The following SLC44A2 variants were observed in gnomAD, a reference collection of about 807,000 sequenced individuals.
SLC44A2 encodes solute carrier family 44 member 2 (CTL2 blood group), also known as choline transporter-like protein 2.
Under a neutral mutation model 90.8 loss-of-function variants are expected in SLC44A2, and 57 were observed. The ratio of observed to expected loss-of-function variants is 0.63; its 90% CI spans 0.51 to 0.78. SLC44A2 has a LOEUF of 0.78. SLC44A2 is among the 30% of genes least tolerant of loss of function. The pLI is 0.00. For missense variants in SLC44A2, 794 were observed against 919.7 expected, an observed-to-expected ratio of 0.86 and a Z score of 1.77; for synonymous variants, 355 against 360.7, an observed-to-expected ratio of 0.98 and a Z score of 0.18.
chr19:10,640,166 C>T (rs1322180073), intron 20 of SLC44A2, among the ~76,000 whole-genome samples: 1 of 150,424 alleles, frequency 6.6e-6, no homozygotes, highest in Non-Finnish European at 1.5e-5. Flanking sequence ...TCTCTGCTCA[C>T]CACAACCTCC....
At position 10,642,307 on chromosome 19, in the gene SLC44A2, G is replaced by A. The variant is rs531989075; in HGVS notation, c.1930-60G>A. 4.8e-4 allele frequency: 687 copies of A among 1,438,814 alleles called. 1 individual carries two copies. The highest frequency in any genetic ancestry group is 6.4e-4 in the Non-Finnish European group (657 of 1,021,212). 89.1% of individuals were successfully genotyped at this position (1,438,814 alleles called of 1,614,324 possible). A position where few individuals can be genotyped will look rare whatever the true frequency, so the allele number is the denominator to read the frequency against. ...TGGTCCCAGCATAGGATGGACTCAG[G>A]GGGTGGGGGCTGCTCTGGGAAGGAC... On this transcript the variant is annotated intron_variant, in intron 20 of 21. Transcript: ENST00000335757.
chr19:10,631,892 G>T lies in SLC44A2; in HGVS notation c.651G>T (p.Ala217=). Reference sequence around the variant, plus strand: ...GGAAAGCCAATGGAGTCCTAGAGGCGCGGCAACTCGCCATGCGCATATTTG... The same window carrying T: ...GGAAAGCCAATGGAGTCCTAGAGGCTCGGCAACTCGCCATGCGCATATTTG... ...GAKKANGVLE[A]RQLAMRIFED... The change falls in exon 9 of 22, where the codon GCG becomes GCT. Residue 217 remains alanine (A), a synonymous_variant. Transcript: ENST00000335757. The T allele has an allele frequency of 6.2e-7, 1 of 1,614,232 alleles. No homozygotes were observed. Among genetic ancestry groups the T allele is most frequent in the Non-Finnish European group, 8.5e-7 (1 of 1,180,040 alleles).
intron 2 of SLC44A2, among the ~76,000 whole-genome samples, chr19:10,626,967 G>A (rs1372462674): frequency 2.7e-5 from 4 of 149,870 alleles, no homozygotes; most frequent in Non-Finnish European, 5.9e-5. Context: ...CTGAGATTGC[G>A]CCACTGCACT....
upstream of SLC44A2, among the ~76,000 whole-genome samples, chr19:10,622,626 G>A (rs2066901393): frequency 6.6e-6 from 1 of 152,136 alleles, no homozygotes; most frequent in Non-Finnish European, 1.5e-5. Flanking sequence ...GACAGGCCAG[G>A]CACGGTGGCT....
intron 1 of SLC44A2, among the ~76,000 whole-genome samples, chr19:10,603,546 C>T (rs1056090909): frequency 2.6e-5 from 4 of 152,204 alleles, no homozygotes; most frequent in African/African-American, 9.6e-5. Flanking sequence ...TAGAGCTGTG[C>T]CTCCCTGCCC....
rs1433232796 is a variant in SLC44A2, at chr19:10,643,830, G to A, written c.*445G>A. On this transcript the variant is annotated 3_prime_UTR_variant, in exon 22 of 22. Transcript: ENST00000335757. ...TGAACCCCTTCTCCACACCTGAACAGTTGGCTCAAGGGCCACCAGAAGCAT... is the reference window on the plus strand; with the variant it reads ...TGAACCCCTTCTCCACACCTGAACAATTGGCTCAAGGGCCACCAGAAGCAT... 1 of 154,916 alleles carries A rather than the reference G, an allele frequency of 6.5e-6. No homozygotes were observed. The highest frequency in any genetic ancestry group is 2.0e-4 in the South Asian group (1 of 5,092). The allele number at this position is 154,916 out of a possible 1,614,324, so 9.6% of individuals were successfully genotyped here.
chr19:10,626,885 AC>A (rs1424343408), intron 2 of SLC44A2, among the ~76,000 whole-genome samples: 1 of 146,700 alleles, frequency 6.8e-6, no homozygotes, highest in Non-Finnish European at 1.5e-5. Flanking sequence ...AGTAGCTGTG[AC>A]TACTCAGAGG....
chr19:10,629,243 G>A (rs1385127422), intron 4 of SLC44A2, among the ~76,000 whole-genome samples: 1 of 92,350 alleles, frequency 1.1e-5, no homozygotes, highest in Non-Finnish European at 2.3e-5. Context: ...TAGAGTTGCT[G>A]ATGCTGCAGT....
upstream of SLC44A2, among the ~76,000 whole-genome samples, chr19:10,621,928 A>G (rs144853295): frequency 5.9e-3 from 894 of 152,042 alleles, 14 homozygotes; most frequent in African/African-American, 0.019. Context: ...CACCTGGCTA[A>G]TTTTTGTACT....
chr19:10,605,794 G>A (rs1405588321), intron 1 of SLC44A2, among the ~76,000 whole-genome samples: 2 of 151,868 alleles, frequency 1.3e-5, no homozygotes, highest in African/African-American at 2.4e-5. Context: ...AGGAGATCGA[G>A]GCCAGCCTGG....
intron 1 of SLC44A2, among the ~76,000 whole-genome samples, chr19:10,619,193 G>C (rs1450314110): frequency 6.6e-6 from 1 of 151,488 alleles, no homozygotes; most frequent in African/African-American, 2.4e-5. Flanking sequence ...ACTTTGAGAA[G>C]CCGAGGCAGG....
chr19:10,627,795 G>A lies in SLC44A2; in HGVS notation c.160G>A (p.Ala54Thr). ...IVGYVAVGII[A>T]WTHGDPRKVI... is the part of the protein sequence containing the mutation. ...GGGCTACGTGGCTGTAGGCATCATA[G>A]GTGAGTAGAGAATGAGCAGGACTTG... Residue 54 changes from alanine (A) to threonine (T), a missense_variant and splice_region_variant, in exon 3 of 22, where the codon GCC becomes ACC. By Grantham distance (58) the Ala-to-Thr change is moderately conservative. Around this residue, in one of 3 missense-constraint regions of SLC44A2, gnomAD observed 738 missense variants for 841.1 expected, o/e 0.88. Coordinates refer to ENST00000335757, the MANE Select transcript of SLC44A2 (RefSeq NM_020428.4). The A allele has an allele frequency of 6.2e-7, 1 of 1,614,116 alleles. No individual in the cohort carries two copies.
chr19:10,625,213 T>G, upstream of SLC44A2: 3 of 178,340 alleles, frequency 1.7e-5, no homozygotes, highest in Admixed American at 6.2e-5. Flanking sequence ...CATTCCACAG[T>G]TGGTTGTCTG....
rs200958259 is a variant in SLC44A2 at position 10,631,732 on chromosome 19, C to A, written c.609C>A (p.Asp203Glu). Residue 203 changes from aspartate to glutamate, a missense_variant, in exon 8 of 22, where the codon GAC (aspartate) becomes GAA (glutamate). This residue lies in a region of SLC44A2 where 738 missense variants were observed against 841.1 expected (regional missense o/e 0.88). Transcript: ENST00000335757. ...DGHGSRKNIT[D>E]LVEGAKKANG... The stretch of plus-strand genomic sequence containing the variant: ...ATGGCTCCCGGAAAAACATCACAGA[C>A]CTGGTGGAGGGCGCCAAGTGAGGAT... 109 of 1,613,376 alleles carry A rather than the reference C, an allele frequency of 6.8e-5. 3 individuals carry two copies. The South Asian group carries it at 1.1e-3, about 16-fold the overall frequency.
Position 10,631,463 on chromosome 19 carries a change from C to T in SLC44A2, c.442-12C>T, listed in dbSNP as rs915916399. Reference sequence around the variant, plus strand: ...GACTTGGGGACTCACCTCCCTCCATCTCTCTTGGCAGGGAGTGGCTGAGGT... The same window carrying T: ...GACTTGGGGACTCACCTCCCTCCATTTCTCTTGGCAGGGAGTGGCTGAGGT... On this transcript the variant is annotated splice_polypyrimidine_tract_variant and intron_variant, in intron 6 of 21. Coordinates refer to ENST00000335757, the MANE Select transcript of SLC44A2 (RefSeq NM_020428.4). 6.2e-7 allele frequency: 1 copy of T among 1,614,146 alleles called. No individual in the cohort carries two copies. The highest frequency in any genetic ancestry group is 1.7e-5 in the Admixed American group (1 of 60,006).
At chr19:10,619,572 C>T (rs913889352) in intron 1 of SLC44A2, among the ~76,000 whole-genome samples, 1 of 151,662 alleles carries the variant, frequency 6.6e-6, no homozygotes, top group Non-Finnish European at 1.5e-5. Flanking sequence ...TAGTGTTGAA[C>T]TCCTGGAGTC....
At chr19:10,613,411 G>A (rs754310935) in intron 1 of SLC44A2, among the ~76,000 whole-genome samples, 1 of 151,874 alleles carries the variant, frequency 6.6e-6, no homozygotes, top group Non-Finnish European at 1.5e-5. Context: ...CACTATGCCC[G>A]GCTAATTTTT....
Position 10,638,043 on chromosome 19 carries a change from T to C in SLC44A2, c.1790T>C (p.Val597Ala), listed in dbSNP as rs994267610. The C allele has an allele frequency of 6.2e-7, 1 of 1,613,924 alleles. No individual in the cohort carries two copies. Among genetic ancestry groups the C allele is most frequent in the African/African-American group, 1.3e-5 (1 of 74,870 alleles). Reference protein sequence around the residue: ...NIIRVAVLDKVTDFLFLLGKL... With the variant: ...NIIRVAVLDKATDFLFLLGKL... ...TGCAGAGTGGCTGTCCTGGATAAAG[T>C]TACTGACTTCCTCTTCCTGTTGGGC... is the stretch of plus-strand genomic sequence containing the variant. Residue 597 changes from valine (V) to alanine (A), a missense_variant, in exon 19 of 22, where the codon GTT (valine) becomes GCT (alanine). By Grantham distance (64) the Val-to-Ala change is moderately conservative (BLOSUM62 0). This residue lies in a region of SLC44A2 where 738 missense variants were observed against 841.1 expected (regional missense o/e 0.88). Transcript: ENST00000335757.
Position 10,634,977 on chromosome 19 carries a change from T to C in SLC44A2, c.959T>C (p.Ile320Thr). ...GCTCAGCCTTTGCCCTTTGCAGTGATCATTCTGAGTATCCTTGAAGTCATT... is the reference window on the plus strand; with the variant it reads ...GCTCAGCCTTTGCCCTTTGCAGTGACCATTCTGAGTATCCTTGAAGTCATT... Reference protein sequence around the residue: ...HLRQTWLAFMIILSILEVIII... With the variant: ...HLRQTWLAFMTILSILEVIII... The change falls in exon 12 of 22, where the codon ATC becomes ACC. Residue 320 changes from isoleucine (I) to threonine (T), a missense_variant. This residue lies in a region of SLC44A2 where 738 missense variants were observed against 841.1 expected (regional missense o/e 0.88). Coordinates refer to ENST00000335757, the MANE Select transcript of SLC44A2 (RefSeq NM_020428.4). 1 of 1,614,144 alleles carries C rather than the reference T, an allele frequency of 6.2e-7. No homozygotes were observed. The highest frequency in any genetic ancestry group is 1.1e-5 in the South Asian group (1 of 91,084).
Sources: allele counts gnomAD v4.1 joint callset (sites outside exome capture counted in the v4.1 genomes callset), GRCh38; gene constraint gnomAD v4.1.1; regional missense constraint gnomAD v4.1.1; transcripts MANE v1.5; gene names NCBI Gene and HGNC (gene_info 2026-07-23, HGNC 2026-07-21).